The following P2RY14 variants were observed in gnomAD, a reference collection of about 807,000 sequenced individuals.
P2RY14 encodes the protein P2Y purinoceptor 14.
In P2RY14, 2 loss-of-function variants were observed where a neutral mutation model predicts 0.9. That is an observed-to-expected ratio of 2.16 (90% CI 0.88 to 6.79). The LOEUF is 6.79. Ranked by LOEUF, P2RY14 falls within the 30% of genes most tolerant of loss-of-function variation. The pLI, the probability that P2RY14 is intolerant of heterozygous loss-of-function variation, is 0.05. For missense variants in P2RY14, 378 were observed against 400.1 expected (o/e 0.94, Z 0.47); for synonymous variants, 158 against 147.2 (o/e 1.07, Z -0.53).
intron 1 of P2RY14, among the ~76,000 whole-genome samples, chr3:151,222,731 T>A (rs1729622061): frequency 1.3e-5 from 2 of 152,256 alleles, no homozygotes; most frequent in Non-Finnish European, 2.9e-5. Flanking sequence ...AAGCATGATA[T>A]GCTGCTGGTC....
At chr3:151,229,454 G>A (rs1018581454) in intron 1 of P2RY14, among the ~76,000 whole-genome samples, 2 of 141,804 alleles carry the variant, frequency 1.4e-5, no homozygotes, top group Non-Finnish European at 3.1e-5. Flanking sequence ...CTACAGGCTC[G>A]TGCCACCATG....
chr3:151,242,125 G>A (rs563848049), intron 1 of P2RY14, among the ~76,000 whole-genome samples: 15 of 152,262 alleles, frequency 9.9e-5, no homozygotes, highest in Admixed American at 7.2e-4. Flanking sequence ...AGGGTCCTAC[G>A]CCCATGGAGT....
intron 1 of P2RY14, among the ~76,000 whole-genome samples, chr3:151,238,183 G>A (rs1364808459): frequency 4.7e-5 from 7 of 150,106 alleles, no homozygotes; most frequent in African/African-American, 1.5e-4. Context: ...GTCTCGCTCT[G>A]TCACCCAGGC....
intron 1 of P2RY14, among the ~76,000 whole-genome samples, chr3:151,221,156 G>A (rs1185491398): frequency 6.6e-6 from 1 of 152,196 alleles, no homozygotes; most frequent in Non-Finnish European, 1.5e-5. Context: ...TTGAACTTGA[G>A]GGAGATGATT....
intron 2 of P2RY14, among the ~76,000 whole-genome samples, chr3:151,215,027 A>G (rs912120287): frequency 2.0e-5 from 3 of 152,308 alleles, no homozygotes; most frequent in African/African-American, 4.8e-5. Context: ...TATGTTGGAC[A>G]TGAAGACAGT....
intron 1 of P2RY14, among the ~76,000 whole-genome samples, chr3:151,250,210 A>G (rs1736570468): frequency 6.6e-6 from 1 of 152,136 alleles, no homozygotes. Context: ...TCCTCATTGC[A>G]CATTCCTCAA....
Position 151,214,286 on chromosome 3 carries a change from C to T in P2RY14, c.31G>A (p.Asp11Asn), listed in dbSNP as rs777754623. ...AGGAGGTTCTGAGAGCAGGATTCAT[C>T]TGGAGGCTGTGTGGAGGTTGAATTG... MINSTSTQPP[D>N]ESCSQNLLIT... Residue 11 changes from aspartate (D) to asparagine (N), a missense_variant, in exon 3 of 3, where the codon GAT becomes AAT. Transcript: ENST00000309170. 6.2e-7 allele frequency: 1 copy of T among 1,613,858 alleles called. No homozygotes were observed. Among genetic ancestry groups the T allele is most frequent in the Non-Finnish European group, 8.5e-7 (1 of 1,179,892 alleles).
intron 2 of P2RY14, among the ~76,000 whole-genome samples, chr3:151,218,284 G>T (rs563328182): frequency 3.0e-4 from 46 of 152,326 alleles, no homozygotes; most frequent in African/African-American, 1.0e-3. Context: ...GCTCATGCCA[G>T]TCCATTAAAG....
intron 1 of P2RY14, among the ~76,000 whole-genome samples, chr3:151,221,087 T>C (rs186603309): frequency 6.6e-6 from 1 of 152,298 alleles, no homozygotes; most frequent in African/African-American, 2.4e-5. Context: ...GTGATTCTTG[T>C]TATGTTTTAG....
At chr3:151,259,498 A>T (rs1738468636) in intron 1 of P2RY14, among the ~76,000 whole-genome samples, 1 of 152,218 alleles carries the variant, frequency 6.6e-6, no homozygotes, top group Non-Finnish European at 1.5e-5. Context: ...AGCAGGAGTG[A>T]ACTGGGTCTG....
chr3:151,273,402 A>T lies in P2RY14; in HGVS notation c.-133+4885T>A, dbSNP rs376217137. 3.8e-3 allele frequency among the ~76,000 whole-genome samples: 426 copies of T among 113,434 alleles called. 2 individuals carry two copies. The highest frequency in any genetic ancestry group is 4.6e-3 in the Non-Finnish European group (263 of 57,046). 74.4% of individuals were successfully genotyped at this position (113,434 alleles called of 152,430 possible). A position where few individuals can be genotyped will look rare whatever the true frequency, so the allele number is the denominator to read the frequency against. On this transcript the variant is annotated intron_variant, in intron 1 of 2. Transcript: ENST00000309170. ...ACCACCATGCCCGGCTAATTTTTGT[A>T]TTTTTTTTTTTTTTTTTTTTAGTAG... is the stretch of plus-strand genomic sequence containing the variant.
chr3:151,249,393 G>A lies in P2RY14; in HGVS notation c.-133+28894C>T, dbSNP rs571840792. Among the ~76,000 whole-genome samples the A allele has an allele frequency of 4.7e-3, 723 of 152,274 alleles. 8 individuals carry two copies. The highest frequency in any genetic ancestry group is 0.024 in the Middle Eastern group (7 of 294). The stretch of plus-strand genomic sequence containing the variant: ...AGTTGGAAAACCAAAAAATATTTGA[G>A]AGTAAAACATCTGCACGTTTCCTTC... On this transcript the variant is annotated intron_variant, in intron 1 of 2. Transcript: ENST00000309170.
intron 2 of P2RY14, among the ~76,000 whole-genome samples, chr3:151,218,839 C>T (rs991805492): frequency 7.5e-6 from 1 of 133,062 alleles, no homozygotes; most frequent in African/African-American, 2.7e-5. Context: ...TGCACTCCAG[C>T]CTGGGTGACA....
At position 151,213,908 on chromosome 3, in the gene P2RY14, A is replaced by C. The variant is rs749169548; in HGVS notation, c.409T>G (p.Tyr137Asp). Residue 137 changes from tyrosine to aspartate, a missense_variant, in exon 3 of 3, where the codon TAC (tyrosine) becomes GAC (aspartate). Transcript: ENST00000309170. ...LWTSFIQSVS[Y>D]SKLLSVIVWM... ...ACTATCACTGACAGAAGTTTGCTGT[A>C]ACTCACTGACTGGATGAAAGAAGTC... 8 of 1,614,158 alleles carry C rather than the reference A, an allele frequency of 5.0e-6. No homozygotes were observed. Among genetic ancestry groups the C allele is most frequent in the Non-Finnish European group, 6.8e-6 (8 of 1,179,978 alleles).
intron 1 of P2RY14, among the ~76,000 whole-genome samples, chr3:151,251,613 T>A (rs4680273): frequency 0.49 from 73,987 of 152,010 alleles, 18,295 homozygotes; most frequent in Middle Eastern, 0.62. Flanking sequence ...CTCTGTGATT[T>A]GACACCTCTT....
At chr3:151,272,594 T>C (rs935117262) in intron 1 of P2RY14, among the ~76,000 whole-genome samples, 1 of 152,174 alleles carries the variant, frequency 6.6e-6, no homozygotes, top group Non-Finnish European at 1.5e-5. Flanking sequence ...AAGTGCATAC[T>C]CGGGAAAGGT....
At chr3:151,216,855 G>C (rs1469089202) in intron 2 of P2RY14, among the ~76,000 whole-genome samples, 1 of 152,148 alleles carries the variant, frequency 6.6e-6, no homozygotes, top group Non-Finnish European at 1.5e-5. Flanking sequence ...TAACTAATTT[G>C]TCTGGTAACT....
intron 1 of P2RY14, among the ~76,000 whole-genome samples, chr3:151,249,923 T>C (rs1736505987): frequency 6.6e-6 from 1 of 152,198 alleles, no homozygotes; most frequent in South Asian, 2.1e-4. Context: ...GCATCAACTT[T>C]TCCCATTTTA....
intron 1 of P2RY14, among the ~76,000 whole-genome samples, chr3:151,268,639 A>ATTTAAATCTAG (rs1740286922): frequency 6.6e-6 from 1 of 152,204 alleles, no homozygotes; most frequent in Non-Finnish European, 1.5e-5. Flanking sequence ...TTAAATCTAG[A>ATTTAAATCTAG]ATGTTACTGA....
Sources: allele counts gnomAD v4.1 joint callset (sites outside exome capture counted in the v4.1 genomes callset), GRCh38; gene constraint gnomAD v4.1.1; transcripts MANE v1.5; gene names NCBI Gene and HGNC (gene_info 2026-07-23, HGNC 2026-07-21).